MICAL2: variants seen among roughly 807,000 people sequenced by gnomAD.
The protein encoded by MICAL2 is microtubule associated monooxygenase, calponin and LIM domain containing 2.
A neutral mutation model predicts 127.3 loss-of-function variants in MICAL2; 77 were observed. That is an observed-to-expected ratio of 0.60 (90% CI 0.50 to 0.73). The LOEUF is 0.73. Among genes scored for constraint, MICAL2 ranks in the 30% least tolerant of loss-of-function variants. MICAL2 has a pLI of 0.00. For missense variants in MICAL2, 1,351 were observed against 1,434.4 expected (o/e 0.94, Z 0.94); for synonymous variants, 570 against 551.1 (o/e 1.03, Z -0.48).
rs543049365 is a variant in MICAL2 at position 12,164,250 on chromosome 11, T to G, written c.264+1831T>G. ...GCAAAGGGAAAGAAAGCTCCTTTTGTTAGGGATGCTGGGTAAGGTGCCTCT... is the reference window on the plus strand; with the variant it reads ...GCAAAGGGAAAGAAAGCTCCTTTTGGTAGGGATGCTGGGTAAGGTGCCTCT... On this transcript the variant is annotated intron_variant, in intron 3 of 27. Transcript: ENST00000683283. 3.3e-5 allele frequency among the ~76,000 whole-genome samples: 5 copies of G among 152,294 alleles called. No homozygotes were observed. In the South Asian group the frequency reaches 1.0e-3, roughly 32 times the overall value.
intron 1 of MICAL2, among the ~76,000 whole-genome samples, chr11:12,125,485 AC>A (rs1267364503): frequency 1.3e-5 from 2 of 152,034 alleles, no homozygotes; most frequent in Non-Finnish European, 2.9e-5. Context: ...TGATCTCCTG[AC>A]CTCGTGATCT....
intron 31 of MICAL2, chr11:12,327,128 T>C: frequency 1.3e-6 from 2 of 1,516,736 alleles, no homozygotes; most frequent in Non-Finnish European, 1.8e-6. Context: ...CTCTTGGGAC[T>C]CTATGTGGAA....
chr11:12,227,191 C>A, intron 15 of MICAL2, 60 bp downstream of exon 15: 1 of 1,208,384 alleles, frequency 8.3e-7, no homozygotes, highest in Non-Finnish European at 1.2e-6. Flanking sequence ...GTATGAGGAA[C>A]GGAGATTGTC....
intron 8 of MICAL2, among the ~76,000 whole-genome samples, chr11:12,219,710 A>T (rs747327612): frequency 6.6e-6 from 1 of 152,058 alleles, no homozygotes; most frequent in Non-Finnish European, 1.5e-5. Context: ...ATAAAATCAC[A>T]CTTTCTGATG....
chr11:12,163,251 C>A (rs946223706), intron 3 of MICAL2, among the ~76,000 whole-genome samples: 1 of 152,230 alleles, frequency 6.6e-6, no homozygotes, highest in Non-Finnish European at 1.5e-5. Flanking sequence ...GGAGTCCAGG[C>A]GTCTCAGCTG....
chr11:12,260,652 T>A, intron 26 of MICAL2: 1 of 986,492 alleles, frequency 1.0e-6, no homozygotes, highest in Non-Finnish European at 1.2e-6. Context: ...AGATGCCACT[T>A]GTCAGCAGCA....
intron 21 of MICAL2, among the ~76,000 whole-genome samples, chr11:12,247,974 G>T (rs1253260123): frequency 6.6e-6 from 1 of 152,154 alleles, no homozygotes; most frequent in Non-Finnish European, 1.5e-5. Context: ...CAACTTCCTG[G>T]CAGGCAGCAT....
At chr11:12,184,669 G>C (rs1857928515) in intron 3 of MICAL2, among the ~76,000 whole-genome samples, 1 of 152,174 alleles carries the variant, frequency 6.6e-6, no homozygotes, top group Admixed American at 6.5e-5. Flanking sequence ...AATGAGCTTA[G>C]GAGAATCATT....
At chr11:12,327,238 G>A in exon 32 of MICAL2, 17 of 1,551,026 alleles carry the variant, frequency 1.1e-5, no homozygotes, top group Non-Finnish European at 1.5e-5. Context: ...AGGGTGTGAG[G>A]CTGGAGAAGG....
chr11:12,203,807 T>C (rs573947064), intron 3 of MICAL2, among the ~76,000 whole-genome samples: 1 of 152,358 alleles, frequency 6.6e-6, no homozygotes, highest in African/African-American at 2.4e-5. Flanking sequence ...GTGCTTTTCC[T>C]GTTATATCTA....
intron 6 of MICAL2, among the ~76,000 whole-genome samples, chr11:12,209,923 G>T (rs1044199051): frequency 6.6e-6 from 1 of 152,144 alleles, no homozygotes; most frequent in African/African-American, 2.4e-5. Flanking sequence ...AAGTGTCATG[G>T]GGGAAAAATG....
At chr11:12,189,983 C>G (rs1266261395) in intron 3 of MICAL2, among the ~76,000 whole-genome samples, 1 of 152,170 alleles carries the variant, frequency 6.6e-6, no homozygotes, top group African/African-American at 2.4e-5. Flanking sequence ...AGGATTGGAG[C>G]CTCCCGATGT....
chr11:12,344,963 A>T (rs1332668223), intron 32 of MICAL2, among the ~76,000 whole-genome samples: 1 of 151,518 alleles, frequency 6.6e-6, no homozygotes, highest in East Asian at 2.0e-4. Context: ...AGTACAAAAA[A>T]TTAGCTGGTG....
intron 1 of MICAL2, among the ~76,000 whole-genome samples, chr11:12,134,414 T>A (rs1481327678): frequency 6.6e-6 from 1 of 152,192 alleles, no homozygotes; most frequent in East Asian, 1.9e-4. Flanking sequence ...GAGGCTCCGT[T>A]CTCAACCAGG....
At chr11:12,333,017 A>G (rs572087877) in intron 32 of MICAL2, among the ~76,000 whole-genome samples, 2 of 152,184 alleles carry the variant, frequency 1.3e-5, no homozygotes, top group South Asian at 2.1e-4. Context: ...TTCACTGGCC[A>G]CTCTGTAGGA....
chr11:12,202,368 C>A (rs1854128867), intron 3 of MICAL2, among the ~76,000 whole-genome samples: 1 of 152,216 alleles, frequency 6.6e-6, no homozygotes, highest in African/African-American at 2.4e-5. Context: ...AGCTCTCCCC[C>A]TTTCAATCTG....
At chr11:12,260,653 G>C (rs183199082) in intron 26 of MICAL2, 2 of 986,412 alleles carry the variant, frequency 2.0e-6, no homozygotes, top group East Asian at 2.3e-4. Context: ...GATGCCACTT[G>C]TCAGCAGCAG....
At chr11:12,341,552 C>T (rs1007588199) in intron 32 of MICAL2, among the ~76,000 whole-genome samples, 15 of 152,046 alleles carry the variant, frequency 9.9e-5, no homozygotes, top group South Asian at 2.1e-4. Flanking sequence ...ATTGGCCCGG[C>T]GCGGTGGCTT....
intron 29 of MICAL2, among the ~76,000 whole-genome samples, chr11:12,319,085 A>C (rs916951679): frequency 2.6e-5 from 4 of 152,256 alleles, no homozygotes. Flanking sequence ...TTTATGTTGC[A>C]TGAGACTATG....
Sources: gnomAD v4.1 joint callset for allele counts (sites outside exome capture counted in the v4.1 genomes callset) on GRCh38, gnomAD v4.1.1 for gene constraint, MANE v1.5 for transcripts, NCBI Gene and HGNC (gene_info 2026-07-23, HGNC 2026-07-21) for gene names.